SLC2A14: variants seen among roughly 807,000 people sequenced by gnomAD.
The protein encoded by SLC2A14 is solute carrier family 2, facilitated glucose transporter member 14.
In SLC2A14, 13 loss-of-function variants were observed where a neutral mutation model predicts 43.0. The observed-to-expected ratio is 0.30, with a 90% confidence interval of 0.20 to 0.48. SLC2A14 has a LOEUF of 0.48. Ranked by LOEUF, SLC2A14 falls within the 20% of genes least tolerant of loss-of-function variation. The pLI, the probability that SLC2A14 is intolerant of heterozygous loss-of-function variation, is 0.99. For synonymous variants in SLC2A14, 190 were observed against 233.8 expected, an observed-to-expected ratio of 0.81 and a Z score of 1.71; for missense variants, 428 against 620.4, an observed-to-expected ratio of 0.69 and a Z score of 3.29.
intron 2 of SLC2A14, among the ~76,000 whole-genome samples, chr12:7,854,671 C>T (rs185279882): frequency 6.6e-6 from 1 of 151,920 alleles, no homozygotes; most frequent in Non-Finnish European, 1.5e-5. Context: ...GCATGTACCA[C>T]CACACCCGGC....
At chr12:7,839,911 G>C in intron 2 of SLC2A14, 1 of 316,498 alleles carries the variant, frequency 3.2e-6, no homozygotes, top group Non-Finnish European at 6.0e-6. Flanking sequence ...GACACAAGGA[G>C]ACCCTGTCTC....
intron 2 of SLC2A14, among the ~76,000 whole-genome samples, chr12:7,862,451 C>G (rs1449103914): frequency 6.6e-6 from 1 of 152,074 alleles, no homozygotes; most frequent in African/African-American, 2.4e-5. Flanking sequence ...TGCAGCCCGC[C>G]ATGCCTGAGC....
chr12:7,815,956 A>G (rs913265585), intron 10 of SLC2A14, among the ~76,000 whole-genome samples: 9 of 151,018 alleles, frequency 6.0e-5, no homozygotes, highest in Non-Finnish European at 1.2e-4. Flanking sequence ...GCTTGAGTGC[A>G]ATGGTGCAAG....
intron 2 of SLC2A14, among the ~76,000 whole-genome samples, chr12:7,852,538 A>G (rs1472305561): frequency 2.0e-5 from 3 of 152,168 alleles, no homozygotes; most frequent in Non-Finnish European, 4.4e-5. Flanking sequence ...GAGAAATACC[A>G]TAGTCCCAAA....
At chr12:7,861,710 C>T (rs1944570115) in intron 2 of SLC2A14, among the ~76,000 whole-genome samples, 1 of 152,074 alleles carries the variant, frequency 6.6e-6, no homozygotes, top group Admixed American at 6.6e-5. Flanking sequence ...CCCTTGTAAT[C>T]CCAGCACTTT....
At chr12:7,883,354 C>A (rs916559569) in intron 1 of SLC2A14, among the ~76,000 whole-genome samples, 1 of 147,374 alleles carries the variant, frequency 6.8e-6, no homozygotes, top group Non-Finnish European at 1.5e-5. Context: ...TGCAACTCAG[C>A]CTCCTGGGTT....
intron 2 of SLC2A14, among the ~76,000 whole-genome samples, chr12:7,833,779 C>T (rs1273593416): frequency 9.8e-5 from 7 of 71,736 alleles, no homozygotes; most frequent in African/African-American, 1.5e-4. Flanking sequence ...AAGACTCTGT[C>T]TCAAAAAAAA....
intron 8 of SLC2A14, among the ~76,000 whole-genome samples, chr12:7,820,971 A>C (rs1360933553): frequency 6.6e-6 from 1 of 151,952 alleles, no homozygotes; most frequent in East Asian, 1.9e-4. Flanking sequence ...CCTGTATCCG[A>C]GCTACTTCGG....
chr12:7,874,717 TAA>T (rs1945384581), upstream of SLC2A14, among the ~76,000 whole-genome samples: 11 of 92,574 alleles, frequency 1.2e-4, no homozygotes, highest in Admixed American at 1.5e-4. Flanking sequence ...AATATGTATA[TAA>T]ATATATAAAA....
chr12:7,848,276 C>T (rs368134985), intron 2 of SLC2A14, among the ~76,000 whole-genome samples: 9 of 152,020 alleles, frequency 5.9e-5, no homozygotes, highest in Middle Eastern at 3.2e-3. Flanking sequence ...AGGAACCTCC[C>T]TAGGACAACC....
chr12:7,880,127 C>T (rs1052336955), intron 1 of SLC2A14, among the ~76,000 whole-genome samples: 5 of 151,766 alleles, frequency 3.3e-5, no homozygotes, highest in Admixed American at 6.6e-5. Context: ...CATGGAGAAA[C>T]CCCATCTCTA....
At chr12:7,884,828 C>T (rs749836602) in intron 1 of SLC2A14, among the ~76,000 whole-genome samples, 1 of 152,240 alleles carries the variant, frequency 6.6e-6, no homozygotes, top group South Asian at 2.1e-4. Flanking sequence ...GCGGGCTAGA[C>T]TTACTAGGAG....
At position 7,826,877 on chromosome 12, in the gene SLC2A14, C is replaced by T. The variant is rs1331419021; in HGVS notation, c.864+618G>A. Among the ~76,000 whole-genome samples the T allele has an allele frequency of 1.3e-3, 33 of 26,160 alleles. 4 individuals are homozygous for T. Among genetic ancestry groups the T allele is most frequent in the South Asian group, 0.011 (11 of 986 alleles). 17.2% of individuals were successfully genotyped at this position (26,160 alleles called of 152,430 possible). On this transcript the variant is annotated intron_variant, in intron 7 of 10. Transcript: ENST00000431042. ...TCCTTTCTTTTTTCTTTCTTTCTTT[C>T]TTTCTTTCTTTCTTTCTTTCTTTCT...
At chr12:7,876,298 A>AAAAAAAAAAAAAAAAAAAC (rs1945463464), upstream of SLC2A14, among the ~76,000 whole-genome samples, 1 of 150,286 alleles carries the variant, frequency 6.7e-6, no homozygotes, top group African/African-American at 2.4e-5. Context: ...AAAAAAAAAA[A>AAAAAAAAAAAAAAAAAAAC]AAAAAAGAGA....
intron 2 of SLC2A14, among the ~76,000 whole-genome samples, chr12:7,852,468 A>G (rs1389051367): frequency 6.6e-6 from 1 of 152,170 alleles, no homozygotes; most frequent in Non-Finnish European, 1.5e-5. Flanking sequence ...AGTTGGAAGT[A>G]GAATTATTTC....
intron 2 of SLC2A14, among the ~76,000 whole-genome samples, chr12:7,867,280 C>CG (rs1491559110): frequency 2.8e-5 from 2 of 71,150 alleles, no homozygotes; most frequent in Non-Finnish European, 6.2e-5. Context: ...GACTCCGTCT[C>CG]AAAAAAAAAA....
intron 10 of SLC2A14, among the ~76,000 whole-genome samples, chr12:7,816,572 T>C (rs1189283501): frequency 1.3e-5 from 2 of 149,590 alleles, no homozygotes; most frequent in African/African-American, 4.9e-5. Flanking sequence ...GGACAAAAGA[T>C]ATATTCTTAA....
intron 2 of SLC2A14, chr12:7,863,326 G>A (rs1451613976): frequency 6.6e-6 from 3 of 451,524 alleles, no homozygotes; most frequent in African/African-American, 6.0e-5. Context: ...ACATCAGAAG[G>A]GAGGGACTCC....
chr12:7,822,680 A>AG (rs1173378353), intron 7 of SLC2A14, among the ~76,000 whole-genome samples: 1 of 151,786 alleles, frequency 6.6e-6, no homozygotes, highest in East Asian at 1.9e-4. Context: ...AAAAAAAAAA[A>AG]AAAAGAAAGT....
Sources: gnomAD v4.1 joint callset for allele counts (sites outside exome capture counted in the v4.1 genomes callset) on GRCh38, gnomAD v4.1.1 for gene constraint, MANE v1.5 for transcripts, NCBI Gene and HGNC (gene_info 2026-07-23, HGNC 2026-07-21) for gene names.